PPP1R1C: variants seen among roughly 807,000 people sequenced by gnomAD.
The protein encoded by PPP1R1C is protein phosphatase 1 regulatory subunit 1C.
In PPP1R1C, 15 loss-of-function variants were observed where a neutral mutation model predicts 17.4. The ratio of observed to expected loss-of-function variants is 0.86; its 90% CI spans 0.58 to 1.33. PPP1R1C has a LOEUF of 1.33. PPP1R1C is among the 40% of genes most tolerant of loss of function. The pLI is 0.00. For synonymous variants in PPP1R1C, 35 were observed against 43.1 expected, an observed-to-expected ratio of 0.81 and a Z score of 0.73; for missense variants, 143 against 130.0, an observed-to-expected ratio of 1.10 and a Z score of -0.48.
chr2:182,004,692 AG>A (rs1400474118), intron 2 of PPP1R1C, among the ~76,000 whole-genome samples: 1 of 152,252 alleles, frequency 6.6e-6, no homozygotes, highest in Non-Finnish European at 1.5e-5. Flanking sequence ...AGTTAGGATT[AG>A]GAACCACGAG....
At chr2:182,117,130 T>A (rs1450020032) in intron 4 of PPP1R1C, 77 bp from the exon 5 acceptor site, 1 of 1,034,460 alleles carries the variant, frequency 9.7e-7, no homozygotes, top group African/African-American at 1.7e-5. Context: ...CACTCTTTTC[T>A]TTATCTTTTG....
chr2:182,062,376 A>T (rs1687876465), intron 3 of PPP1R1C, among the ~76,000 whole-genome samples: 1 of 152,076 alleles, frequency 6.6e-6, no homozygotes, highest in Non-Finnish European at 1.5e-5. Context: ...CTGTAGATTT[A>T]ATTTTCTATT....
At chr2:182,114,516 G>A (rs1016475373) in intron 4 of PPP1R1C, among the ~76,000 whole-genome samples, 1 of 152,114 alleles carries the variant, frequency 6.6e-6, no homozygotes, top group African/African-American at 2.4e-5. Context: ...TTTAATCTCA[G>A]CATTATTGCA....
chr2:182,070,050 A>G (rs1688097339), intron 4 of PPP1R1C, among the ~76,000 whole-genome samples: 1 of 152,214 alleles, frequency 6.6e-6, no homozygotes, highest in South Asian at 2.1e-4. Flanking sequence ...ATACAAGTGG[A>G]TAGAGCATAG....
At chr2:182,105,217 G>C (rs1446439844) in intron 4 of PPP1R1C, among the ~76,000 whole-genome samples, 1 of 152,168 alleles carries the variant, frequency 6.6e-6, no homozygotes, top group East Asian at 1.9e-4. Context: ...AGCTGAGTTT[G>C]AGGAAGGTGT....
rs1397281932 is a variant in PPP1R1C at position 181,986,177 on chromosome 2, G to A, written c.67G>A (p.Glu23Lys). The change falls in exon 1 of 5, where the codon GAA (glutamate) becomes AAA (lysine). Residue 23 changes from glutamate to lysine, a missense_variant. By Grantham distance (56) the Glu-to-Lys change is moderately conservative (BLOSUM62 1). Coordinates refer to ENST00000682840, the MANE Select transcript of PPP1R1C (RefSeq NM_001080545.3). ...TGTATTCCAGAGTCAGATTGCACCT[G>A]AAGCAGCAGAGCAGGTATGTGAAAT... Reference protein sequence around the residue: ...VPVFQSQIAPEAAEQIRKRRP... With the variant: ...VPVFQSQIAPKAAEQIRKRRP... 3 of 1,613,250 alleles carry A rather than the reference G, an allele frequency of 1.9e-6. No individual in the cohort carries two copies. The African/African-American group carries it at 4.0e-5, about 21-fold the overall frequency.
At chr2:182,129,789 T>C (rs971488201) in exon 6 of PPP1R1C, 1 of 152,120 alleles carries the variant, frequency 6.6e-6, no homozygotes, top group South Asian at 2.1e-4. Context: ...TTAGGAGCCA[T>C]AGACTTTTAT....
intron 4 of PPP1R1C, among the ~76,000 whole-genome samples, chr2:182,105,743 G>A (rs1689227153): frequency 6.6e-6 from 1 of 152,198 alleles, no homozygotes; most frequent in Non-Finnish European, 1.5e-5. Flanking sequence ...TTGGCAGCAG[G>A]AGAAACGCAG....
chr2:182,106,742 AAAAAACTAAAAAACTG>A (rs1336937554), intron 4 of PPP1R1C, among the ~76,000 whole-genome samples: 7 of 152,202 alleles, frequency 4.6e-5, no homozygotes, highest in Non-Finnish European at 8.8e-5. Context: ...CAGCACAACT[AAAAAACTAAAAAACTG>A]AAAAACTAAA....
chr2:182,046,064 T>C (rs901604721), intron 2 of PPP1R1C, among the ~76,000 whole-genome samples: 9 of 151,872 alleles, frequency 5.9e-5, no homozygotes, highest in Admixed American at 5.2e-4. Flanking sequence ...TCTCATATAG[T>C]TACTTTTTTC....
chr2:182,114,687 A>C (rs1276517731), intron 4 of PPP1R1C, among the ~76,000 whole-genome samples: 1 of 152,148 alleles, frequency 6.6e-6, no homozygotes, highest in African/African-American at 2.4e-5. Flanking sequence ...TCTGCTGAAC[A>C]GCTCTGTGGT....
chr2:181,968,818 A>T (rs907799008), intron 1 of PPP1R1C, among the ~76,000 whole-genome samples: 5 of 151,806 alleles, frequency 3.3e-5, no homozygotes, highest in African/African-American at 9.7e-5. Flanking sequence ...TCTGGTTTTA[A>T]ATTAAATTTT....
rs144679088 is a variant in PPP1R1C at position 182,050,483 on chromosome 2, A to C, written c.143-10959A>C. ...TTGGATACAAAAGTGCTGCCTCTGC[A>C]GCCCACTCTCCACCCTCCAAGCCTC... On this transcript the variant is annotated intron_variant, in intron 2 of 4. Transcript: ENST00000682840. 8.1e-3 allele frequency among the ~76,000 whole-genome samples: 1,237 copies of C among 152,308 alleles called. 15 individuals are homozygous for C. Among genetic ancestry groups the C allele is most frequent in the African/African-American group, 0.029 (1,185 of 41,570 alleles).
At chr2:181,964,520 T>C (rs1426214042) in intron 1 of PPP1R1C, among the ~76,000 whole-genome samples, 1 of 152,178 alleles carries the variant, frequency 6.6e-6, no homozygotes, top group South Asian at 2.1e-4. Context: ...AGCTCTATTT[T>C]TTAGTTTTTT....
At chr2:182,090,289 CTGTG>C (rs142618201) in intron 4 of PPP1R1C, among the ~76,000 whole-genome samples, 7 of 145,678 alleles carry the variant, frequency 4.8e-5, no homozygotes, top group East Asian at 4.0e-4. Context: ...ACTATAAATT[CTGTG>C]TGTGTGTGTG....
At chr2:182,113,957 C>T (rs2125236011) in intron 4 of PPP1R1C, among the ~76,000 whole-genome samples, 1 of 152,158 alleles carries the variant, frequency 6.6e-6, no homozygotes, top group Non-Finnish European at 1.5e-5. Context: ...TTTTTGAATC[C>T]ACATTTAACC....
chr2:182,001,074 T>C (rs1685752644), intron 2 of PPP1R1C, among the ~76,000 whole-genome samples: 1 of 152,130 alleles, frequency 6.6e-6, no homozygotes. Context: ...GCATAACCCA[T>C]TGGATTATTA....
chr2:182,070,121 C>T (rs1164407284), intron 4 of PPP1R1C, among the ~76,000 whole-genome samples: 1 of 152,184 alleles, frequency 6.6e-6, no homozygotes, highest in African/African-American at 2.4e-5. Flanking sequence ...GGAGACTCGC[C>T]ACAGGCTTAC....
intron 2 of PPP1R1C, among the ~76,000 whole-genome samples, chr2:182,057,626 C>A (rs973343173): frequency 6.6e-6 from 1 of 152,072 alleles, no homozygotes; most frequent in African/African-American, 2.4e-5. Flanking sequence ...GTTTAACTCC[C>A]CATTTTTTCC....
Sources: allele counts gnomAD v4.1 joint callset (sites outside exome capture counted in the v4.1 genomes callset), GRCh38; gene constraint gnomAD v4.1.1; transcripts MANE v1.5; gene names NCBI Gene and HGNC (gene_info 2026-07-23, HGNC 2026-07-21).